Variants in AGPAT5 observed in about 807,000 individuals in gnomAD.
AGPAT5 encodes the protein 1-acyl-sn-glycerol-3-phosphate acyltransferase epsilon.
AGPAT5 carries 46 observed loss-of-function variants against 45.6 expected under a neutral mutation model. The observed-to-expected ratio is 1.01, with a 90% CI of 0.80 to 1.29. The LOEUF (loss-of-function observed/expected upper bound fraction) is 1.29. Ranked by LOEUF, AGPAT5 falls within the 50% of genes most tolerant of loss-of-function variation. The pLI, the probability that AGPAT5 is intolerant of heterozygous loss-of-function variation, is 0.00. For missense variants in AGPAT5, 673 were observed against 450.7 expected (o/e 1.49, Z -4.47); for synonymous variants, 272 against 167.0 (o/e 1.63, Z -4.85).
At chr8:6,757,115 G>T in intron 7 of AGPAT5, 48 bp from the exon 8 acceptor site, 1 of 1,432,416 alleles carries the variant, frequency 7.0e-7, no homozygotes, top group South Asian at 1.3e-5. Flanking sequence ...TTTTTGAATT[G>T]AAATACTGAA....
intron 1 of AGPAT5, among the ~76,000 whole-genome samples, chr8:6,710,259 A>G (rs1800108898): frequency 6.6e-6 from 1 of 152,186 alleles, no homozygotes; most frequent in African/African-American, 2.4e-5. Flanking sequence ...TGTAAAACCT[A>G]GCAGTGTTTC....
chr8:6,747,600 T>C (rs1396119263), intron 5 of AGPAT5, 70 bp from the exon 6 acceptor site: 3 of 1,360,790 alleles, frequency 2.2e-6, no homozygotes, highest in Non-Finnish European at 3.0e-6. Flanking sequence ...TAAAAATAAT[T>C]TAGATGTTAA....
intron 6 of AGPAT5, among the ~76,000 whole-genome samples, chr8:6,749,014 G>T (rs939639117): frequency 7.2e-5 from 11 of 152,306 alleles, no homozygotes; most frequent in African/African-American, 2.4e-4. Context: ...TCAGAAGTGA[G>T]CAAGGATAGA....
intron 4 of AGPAT5, among the ~76,000 whole-genome samples, chr8:6,734,853 G>T (rs908637250): frequency 1.3e-5 from 2 of 152,026 alleles, no homozygotes; most frequent in Admixed American, 1.3e-4. Flanking sequence ...TCAGGTTTCT[G>T]TAGAACTCAT....
At chr8:6,728,872 A>T (rs1221467748) in intron 2 of AGPAT5, among the ~76,000 whole-genome samples, 1 of 152,220 alleles carries the variant, frequency 6.6e-6, no homozygotes, top group East Asian at 1.9e-4. Context: ...CTAAATTAGA[A>T]GGGGCTAGGG....
intron 5 of AGPAT5, among the ~76,000 whole-genome samples, chr8:6,743,573 A>C (rs149302452): frequency 1.5e-4 from 23 of 152,360 alleles, no homozygotes; most frequent in African/African-American, 5.0e-4. Context: ...TGGAGGAAGA[A>C]GCTGTTCAGA....
At position 6,759,860 on chromosome 8, in the gene AGPAT5, A is replaced by G. The variant is rs1489204892; in HGVS notation, c.*2472A>G. Among the ~76,000 whole-genome samples, 1 of 152,226 alleles carries G rather than the reference A, an allele frequency of 6.6e-6. No individual in the cohort carries two copies. Among genetic ancestry groups the G allele is most frequent in the Non-Finnish European group, 1.5e-5 (1 of 68,044 alleles). ...GTTTGGTTATATAAATTCATCTGCA[A>G]TTTATAAGATGCATGGCCGATGTTA... On this transcript the variant is annotated 3_prime_UTR_variant, in exon 8 of 8. Transcript: ENST00000285518.
At chr8:6,755,549 G>A (rs187796232) in intron 7 of AGPAT5, among the ~76,000 whole-genome samples, 321 of 152,324 alleles carry the variant, frequency 2.1e-3, no homozygotes, top group African/African-American at 7.4e-3. Context: ...GCCAGTGTGC[G>A]CAGAAAAGCA....
rs1055812883 is a variant in AGPAT5, at chr8:6,758,624, C to G, written c.*1236C>G. On this transcript the variant is annotated 3_prime_UTR_variant, in exon 8 of 8. Transcript: ENST00000285518. ...GAAATACAGACTTAATTTGTCATGA[C>G]TGAACGAATTTGTTTATTTCCCATT... 3.9e-5 allele frequency: 6 copies of G among 152,488 alleles called. No homozygotes were observed. The highest frequency in any genetic ancestry group is 1.4e-4 in the African/African-American group (6 of 41,450). 9.4% of individuals were successfully genotyped at this position (152,488 alleles called of 1,614,324 possible).
chr8:6,721,891 C>G (rs568962234), intron 1 of AGPAT5, among the ~76,000 whole-genome samples: 1 of 151,830 alleles, frequency 6.6e-6, no homozygotes, highest in East Asian at 1.9e-4. Flanking sequence ...AGGGGTCTTG[C>G]TGTGTTGCCA....
At chr8:6,746,589 G>A (rs930657292) in intron 5 of AGPAT5, among the ~76,000 whole-genome samples, 6 of 152,176 alleles carry the variant, frequency 3.9e-5, no homozygotes, top group Admixed American at 3.3e-4. Flanking sequence ...GTGCGATTGA[G>A]ATTTTTGTTG....
rs548993277 is a variant in AGPAT5 at position 6,759,768 on chromosome 8, C to G, written c.*2380C>G. On this transcript the variant is annotated 3_prime_UTR_variant, in exon 8 of 8. Coordinates refer to ENST00000285518, the MANE Select transcript of AGPAT5 (RefSeq NM_018361.5). ...GCCCTGCATTCTTCACAATATTTTT[C>G]CCTAAGCTTTGAGCAAAGTTTTAAA... 1 of 152,222 alleles carries G rather than the reference C, an allele frequency of 6.6e-6. No individual in the cohort carries two copies. The highest frequency in any genetic ancestry group is 1.9e-4 in the East Asian group (1 of 5,176). 9.4% of individuals were successfully genotyped at this position (152,222 alleles called of 1,614,324 possible).
chr8:6,739,201 C>T (rs548972370), intron 4 of AGPAT5, among the ~76,000 whole-genome samples: 7 of 152,158 alleles, frequency 4.6e-5, no homozygotes, highest in African/African-American at 1.4e-4. Context: ...GCTTGCTTTG[C>T]AGTAAGTTTT....
At chr8:6,728,736 A>G (rs1800770975) in intron 2 of AGPAT5, among the ~76,000 whole-genome samples, 1 of 152,240 alleles carries the variant, frequency 6.6e-6, no homozygotes, top group Admixed American at 6.5e-5. Flanking sequence ...AGAACCATAC[A>G]GAATTAGTTC....
intron 1 of AGPAT5, among the ~76,000 whole-genome samples, chr8:6,713,196 C>T (rs911377059): frequency 6.6e-6 from 1 of 152,198 alleles, no homozygotes; most frequent in Non-Finnish European, 1.5e-5. Context: ...TCTTGAATTC[C>T]TGGCCTCAGG....
intron 7 of AGPAT5, 45 bp from the exon 8 acceptor site, chr8:6,757,118 A>T: frequency 6.8e-7 from 1 of 1,464,414 alleles, no homozygotes; most frequent in Non-Finnish European, 9.4e-7. Context: ...TTGAATTGAA[A>T]TACTGAAGTG....
Position 6,747,795 on chromosome 8 carries a change from G to A in AGPAT5, c.712G>A (p.Gly238Arg). Residue 238 changes from glycine to arginine, a missense_variant, in exon 6 of 8, where the codon GGA becomes AGA. Coordinates refer to ENST00000285518, the MANE Select transcript of AGPAT5 (RefSeq NM_018361.5). ...VTVVYEGKDD[G>R]GQRRESPTMT... Reference sequence around the variant, plus strand: ...GGTGGTTTATGAAGGGAAAGACGATGGAGGGCAGCGAAGAGAGTCACCGAC... The same window carrying A: ...GGTGGTTTATGAAGGGAAAGACGATAGAGGGCAGCGAAGAGAGTCACCGAC... 1 of 1,614,194 alleles carries A rather than the reference G, an allele frequency of 6.2e-7. No individual in the cohort carries two copies. The highest frequency in any genetic ancestry group is 8.5e-7 in the Non-Finnish European group (1 of 1,180,024).
At chr8:6,737,389 T>A (rs1265453798) in intron 4 of AGPAT5, among the ~76,000 whole-genome samples, 1 of 152,250 alleles carries the variant, frequency 6.6e-6, no homozygotes, top group African/African-American at 2.4e-5. Flanking sequence ...TTCTCATGAA[T>A]CTATTCCATG....
chr8:6,740,509 AT>A (rs2116924643), intron 4 of AGPAT5, among the ~76,000 whole-genome samples: 3 of 148,346 alleles, frequency 2.0e-5, no homozygotes, highest in African/African-American at 7.3e-5. Flanking sequence ...ATTATTAAAA[AT>A]AATATAAATT....
Sources: allele counts gnomAD v4.1 joint callset (sites outside exome capture counted in the v4.1 genomes callset), GRCh38; gene constraint gnomAD v4.1.1; transcripts MANE v1.5; gene names NCBI Gene and HGNC (gene_info 2026-07-23, HGNC 2026-07-21).